CADM2: variants seen among roughly 807,000 people sequenced by gnomAD.
CADM2 encodes immunoglobulin superfamily member 4D.
A neutral mutation model predicts 49.8 loss-of-function variants in CADM2; 12 were observed. The ratio of observed to expected loss-of-function variants is 0.24; its 90% CI spans 0.15 to 0.39. The LOEUF (loss-of-function observed/expected upper bound fraction) is 0.39, where lower values mean the gene tolerates loss of function less well. Among genes scored for constraint, CADM2 ranks in the 10% least tolerant of loss-of-function variants. The pLI is 1.00. For synonymous variants in CADM2, 214 were observed against 175.4 expected (o/e 1.22, Z -1.74); for missense variants, 378 against 492.3 (o/e 0.77, Z 2.20).
At chr3:85,358,707 A>T (rs1327726977) in intron 1 of CADM2, among the ~76,000 whole-genome samples, 1 of 152,204 alleles carries the variant, frequency 6.6e-6, no homozygotes, top group African/African-American at 2.4e-5. Flanking sequence ...AGAACTGTTT[A>T]TGTGTAACGT....
intron 6 of CADM2, among the ~76,000 whole-genome samples, chr3:85,921,850 C>T (rs1386857991): frequency 6.6e-6 from 1 of 152,030 alleles, no homozygotes; most frequent in Non-Finnish European, 1.5e-5. Context: ...TTACTTCTCC[C>T]ACAAGACCTG....
intron 1 of CADM2, among the ~76,000 whole-genome samples, chr3:85,424,974 C>A (rs1477688239): frequency 6.6e-6 from 1 of 151,930 alleles, no homozygotes; most frequent in African/African-American, 2.4e-5. Context: ...TTAATGAGAA[C>A]CTCAAGACTC....
At chr3:85,898,060 T>A (rs1276424765) in intron 5 of CADM2, among the ~76,000 whole-genome samples, 1 of 152,172 alleles carries the variant, frequency 6.6e-6, no homozygotes, top group African/African-American at 2.4e-5. Flanking sequence ...AGCATTTAAA[T>A]GTGGGTATGT....
At chr3:86,009,092 A>AGTGTGT (rs3042197) in intron 8 of CADM2, among the ~76,000 whole-genome samples, 394 of 145,382 alleles carry the variant, frequency 2.7e-3, no homozygotes, top group South Asian at 3.6e-3. Flanking sequence ...TTGGTGTTAT[A>AGTGTGT]GTGTGTGTGT....
intron 1 of CADM2, among the ~76,000 whole-genome samples, chr3:85,724,414 TA>T (rs1245243452): frequency 2.0e-5 from 3 of 151,838 alleles, no homozygotes; most frequent in African/African-American, 7.2e-5. Flanking sequence ...AATAAAGCAC[TA>T]CAACAGTGCC....
At chr3:85,832,170 T>C (rs1047793740) in intron 3 of CADM2, among the ~76,000 whole-genome samples, 1 of 151,996 alleles carries the variant, frequency 6.6e-6, no homozygotes, top group African/African-American at 2.4e-5. Flanking sequence ...GGTTTCTCTA[T>C]TCTTTTCCAT....
chr3:85,235,799 T>C (rs890710514), intron 1 of CADM2, among the ~76,000 whole-genome samples: 1 of 152,166 alleles, frequency 6.6e-6, no homozygotes, highest in Admixed American at 6.6e-5. Flanking sequence ...TGTAATGCTT[T>C]CTTTATGTTT....
At chr3:85,627,859 C>T (rs2064173161) in intron 1 of CADM2, among the ~76,000 whole-genome samples, 1 of 151,992 alleles carries the variant, frequency 6.6e-6, no homozygotes, top group Non-Finnish European at 1.5e-5. Context: ...TGGACAACTG[C>T]GAGCAATCAA....
At chr3:85,024,943 A>G (rs1223405237) in intron 1 of CADM2, among the ~76,000 whole-genome samples, 2 of 152,028 alleles carry the variant, frequency 1.3e-5, no homozygotes, top group Non-Finnish European at 2.9e-5. Flanking sequence ...AGGCGTCAAT[A>G]TGTTTTAGTT....
chr3:85,329,874 T>A lies in CADM2; in HGVS notation c.61+370206T>A, dbSNP rs28668899. 4.4e-3 allele frequency among the ~76,000 whole-genome samples: 664 copies of A among 152,212 alleles called. 4 individuals carry two copies. The highest frequency in any genetic ancestry group is 0.027 in the Middle Eastern group (8 of 294). ...ACAGTCACTTTTAGATTGGCCTTTT[T>A]GAAAGAAAAATAAGAAGCATTTGAG... On this transcript the variant is annotated intron_variant, in intron 1 of 9. Coordinates refer to ENST00000383699, the MANE Select transcript of CADM2 (RefSeq NM_001167675.2).
intron 1 of CADM2, among the ~76,000 whole-genome samples, chr3:85,077,151 T>C (rs972961517): frequency 1.3e-5 from 2 of 152,176 alleles, no homozygotes; most frequent in Non-Finnish European, 2.9e-5. Context: ...CAAAGTGCTC[T>C]TTACCTGGAA....
At chr3:85,276,011 C>T (rs2043348682) in intron 1 of CADM2, among the ~76,000 whole-genome samples, 1 of 151,174 alleles carries the variant, frequency 6.6e-6, no homozygotes, top group Non-Finnish European at 1.5e-5. Flanking sequence ...GTTACTGTCA[C>T]TTTGTCAAAG....
intron 8 of CADM2, among the ~76,000 whole-genome samples, chr3:86,001,000 G>A (rs1228676404): frequency 6.6e-6 from 1 of 152,114 alleles, no homozygotes; most frequent in Non-Finnish European, 1.5e-5. Flanking sequence ...AATAATTCTA[G>A]TGAATGCTGA....
At chr3:85,457,854 T>G (rs1363935508) in intron 1 of CADM2, among the ~76,000 whole-genome samples, 1 of 152,212 alleles carries the variant, frequency 6.6e-6, no homozygotes, top group Non-Finnish European at 1.5e-5. Context: ...GGACACTTTT[T>G]TTAGGTGTTC....
At chr3:85,134,143 C>A (rs1011552264) in intron 1 of CADM2, among the ~76,000 whole-genome samples, 2 of 152,212 alleles carry the variant, frequency 1.3e-5, no homozygotes, top group Non-Finnish European at 2.9e-5. Flanking sequence ...CAGGGCCGGC[C>A]GGCTGCTCTG....
chr3:85,321,785 A>G (rs141508243), intron 1 of CADM2, among the ~76,000 whole-genome samples: 280 of 152,308 alleles, frequency 1.8e-3, no homozygotes, highest in African/African-American at 6.5e-3. Context: ...ATTACAGATT[A>G]ATAGGCACTA....
At chr3:86,017,767 T>A in intron 8 of CADM2, among the ~76,000 whole-genome samples, 1 of 150,550 alleles carries the variant, frequency 6.6e-6, no homozygotes, top group Non-Finnish European at 1.5e-5. Context: ...AGAAAGGGAT[T>A]TCTTTTGTGT....
intron 8 of CADM2, among the ~76,000 whole-genome samples, chr3:86,044,874 C>A (rs1264224103): frequency 6.6e-6 from 1 of 152,080 alleles, no homozygotes; most frequent in Non-Finnish European, 1.5e-5. Context: ...AAATACTATG[C>A]AGCCATAAAA....
intron 1 of CADM2, among the ~76,000 whole-genome samples, chr3:85,319,639 C>T (rs141691345): frequency 6.6e-6 from 1 of 152,270 alleles, no homozygotes; most frequent in African/African-American, 2.4e-5. Context: ...ATGTCCTTTA[C>T]AGGAACATGG....
Sources: gnomAD v4.1 joint callset for allele counts (sites outside exome capture counted in the v4.1 genomes callset) on GRCh38, gnomAD v4.1.1 for gene constraint, MANE v1.5 for transcripts, NCBI Gene and HGNC (gene_info 2026-07-23, HGNC 2026-07-21) for gene names.